ZNF254: variants seen among roughly 807,000 people sequenced by gnomAD.
ZNF254 encodes zinc finger protein 254.
A neutral mutation model predicts 12.4 loss-of-function variants in ZNF254; 10 were observed. The observed-to-expected ratio is 0.80, with a 90% CI of 0.50 to 1.36. The LOEUF (loss-of-function observed/expected upper bound fraction) is 1.36, where lower values mean the gene tolerates loss of function less well. Ranked by LOEUF, ZNF254 falls within the 40% of genes most tolerant of loss-of-function variation. ZNF254 has a pLI of 0.00. For missense variants in ZNF254, 996 were observed against 763.9 expected (o/e 1.30, Z -3.58); for synonymous variants, 305 against 253.4 (o/e 1.20, Z -1.93).
chr19:24,049,201 TATA>T (rs1568426378), intron 2 of ZNF254, among the ~76,000 whole-genome samples: 42 of 67,428 alleles, frequency 6.2e-4, no homozygotes, highest in African/African-American at 1.0e-3. Context: ...TATATATATA[TATA>T]TATATATATA....
chr19:24,045,010 C>T (rs1176352241), intron 1 of ZNF254, among the ~76,000 whole-genome samples: 2 of 152,090 alleles, frequency 1.3e-5, no homozygotes, highest in Admixed American at 6.5e-5. Context: ...ACTATGATAC[C>T]GTACCTTGTT....
At chr19:24,084,429 T>A (rs1261501750), upstream of ZNF254, among the ~76,000 whole-genome samples, 5 of 151,948 alleles carry the variant, frequency 3.3e-5, no homozygotes, top group East Asian at 9.7e-4. Context: ...GAGTGACGGA[T>A]AAAAGACTAC....
chr19:24,082,507 AG>A (rs1397620631), upstream of ZNF254, among the ~76,000 whole-genome samples: 1 of 346 alleles, frequency 2.9e-3, no homozygotes, highest in Non-Finnish European at 5.4e-3. Flanking sequence ...AAAATTAGCC[AG>A]GCGTGGTGGC....
intron 1 of ZNF254, among the ~76,000 whole-genome samples, chr19:24,037,307 A>T (rs1970002210): frequency 6.6e-6 from 1 of 152,248 alleles, no homozygotes; most frequent in Non-Finnish European, 1.5e-5. Context: ...GTTCAAGATT[A>T]TAGCCCTAGA....
chr19:24,095,102 A>G (rs982690356), intron 1 of ZNF254, among the ~76,000 whole-genome samples: 18 of 152,198 alleles, frequency 1.2e-4, no homozygotes, highest in Non-Finnish European at 2.5e-4. Flanking sequence ...AACATGAAAG[A>G]TGTTAAATTT....
At chr19:24,072,933 A>G (rs981229210) in intron 2 of ZNF254, among the ~76,000 whole-genome samples, 2 of 152,198 alleles carry the variant, frequency 1.3e-5, no homozygotes, top group African/African-American at 2.4e-5. Flanking sequence ...GTTGTGACAT[A>G]TACCTTAGCC....
rs200959986 is a variant in ZNF254, at chr19:24,126,556, A to C, written c.556A>C (p.Lys186Gln). 1.1e-5 allele frequency: 18 copies of C among 1,603,894 alleles called. No individual in the cohort carries two copies. Among genetic ancestry groups the C allele is most frequent in the Non-Finnish European group, 1.5e-5 (18 of 1,177,228 alleles). Residue 186 changes from lysine (K) to glutamine (Q), a missense_variant, in exon 4 of 4, where the codon AAA (lysine) becomes CAA (glutamine). Physicochemically the swap from Lys to Gln is moderately conservative, Grantham distance 53. Coordinates refer to ENST00000357002, the MANE Select transcript of ZNF254 (RefSeq NM_203282.4). ...HTEKKSFKCKKRVKLFCMLSH... is the reference protein window; with the variant it reads ...HTEKKSFKCKQRVKLFCMLSH... ...TGAAAAGAAATCTTTCAAATGTAAA[A>C]AACGTGTCAAATTATTTTGCATGCT...
chr19:24,085,833 A>G (rs2145616464), upstream of ZNF254, among the ~76,000 whole-genome samples: 1 of 152,278 alleles, frequency 6.6e-6, no homozygotes, highest in East Asian at 1.9e-4. Flanking sequence ...AGTTAGAAAC[A>G]TTTTGTCTAC....
chr19:24,084,108 A>G (rs1971942663), upstream of ZNF254, among the ~76,000 whole-genome samples: 1 of 149,710 alleles, frequency 6.7e-6, no homozygotes. Flanking sequence ...TCAACTAATG[A>G]GTGGAAAAGG....
rs780867139 is a variant in ZNF254 at position 24,127,475 on chromosome 19, G to T, written c.1475G>T (p.Cys492Phe). 5.0e-6 allele frequency: 8 copies of T among 1,613,450 alleles called. No homozygotes were observed. In the South Asian group the frequency reaches 6.6e-5, roughly 13 times the overall value. Residue 492 changes from cysteine to phenylalanine, a missense_variant, in exon 4 of 4, where the codon TGT (cysteine) becomes TTT (phenylalanine). Coordinates refer to ENST00000357002, the MANE Select transcript of ZNF254 (RefSeq NM_203282.4). ...RMHTGEKPYK[C>F]EECGKSFSQS... ...CACACTGGAGAGAAACCCTACAAAT[G>T]TGAAGAATGTGGCAAATCTTTTAGC...
chr19:24,129,100 A>G lies in ZNF254; in HGVS notation c.*1120A>G, dbSNP rs760914748. 30 of 152,114 alleles carry G rather than the reference A, an allele frequency of 2.0e-4. No homozygotes were observed. Among genetic ancestry groups the G allele is most frequent in the Non-Finnish European group, 3.5e-4 (24 of 67,886 alleles). The allele number at this position is 152,114 out of a possible 1,614,324, so 9.4% of individuals were successfully genotyped here. On this transcript the variant is annotated 3_prime_UTR_variant, in exon 4 of 4. Transcript: ENST00000357002. ...TTAAAATGTAAGATGCGTGAGGAAA[A>G]TTTAGGTAGAGAGGCTCTTTGTGGT... is the stretch of plus-strand genomic sequence containing the variant.
chr19:24,104,878 C>T (rs1973241849), intron 1 of ZNF254: 1 of 152,122 alleles, frequency 6.6e-6, no homozygotes, highest in Admixed American at 6.6e-5. Flanking sequence ...AACAGGATGG[C>T]ATTTATTACC....
At chr19:24,034,357 C>G (rs1338397447) in intron 1 of ZNF254, among the ~76,000 whole-genome samples, 1 of 152,088 alleles carries the variant, frequency 6.6e-6, no homozygotes, top group Non-Finnish European at 1.5e-5. Context: ...AAAATCTATA[C>G]ATCCACAGGC....
intron 3 of ZNF254, among the ~76,000 whole-genome samples, chr19:24,122,739 A>G (rs1311097333): frequency 6.6e-6 from 1 of 152,190 alleles, no homozygotes; most frequent in Non-Finnish European, 1.5e-5. Context: ...TTCAAATTAT[A>G]TCTACTGAAT....
intron 1 of ZNF254, among the ~76,000 whole-genome samples, chr19:24,101,248 G>T (rs764540294): frequency 1.6e-4 from 25 of 152,200 alleles, no homozygotes; most frequent in Admixed American, 7.9e-4. Context: ...AGCCAGAAAT[G>T]CAGAATGATG....
chr19:24,107,437 G>A (rs1973415087), intron 3 of ZNF254: 1 of 383,546 alleles, frequency 2.6e-6, no homozygotes, highest in African/African-American at 2.1e-5. Context: ...TTCTAAAATT[G>A]AGTATTTCAT....
At chr19:24,082,128 GAAAA>G (rs552910479) in intron 2 of ZNF254, among the ~76,000 whole-genome samples, 4 of 112,288 alleles carry the variant, frequency 3.6e-5, no homozygotes, top group African/African-American at 1.4e-4. Context: ...TGCCTCAAAA[GAAAA>G]AAAAAAAAAG....
rs919281854 is a variant in ZNF254, at chr19:24,099,263, C to T, written c.31-6677C>T. The stretch of plus-strand genomic sequence containing the variant: ...CTCATGATCCACCAGCCTCAGCCTC[C>T]CAAAGTGCTAGGATAACAGGCATGA... On this transcript the variant is annotated intron_variant, in intron 1 of 3. Transcript: ENST00000357002. Among the ~76,000 whole-genome samples the T allele has an allele frequency of 2.4e-4, 36 of 151,606 alleles. 1 individual carries two copies. The highest frequency in any genetic ancestry group is 8.5e-4 in the African/African-American group (35 of 41,206).
chr19:24,069,321 T>TA (rs1971393865), intron 2 of ZNF254, among the ~76,000 whole-genome samples: 1 of 144,286 alleles, frequency 6.9e-6, no homozygotes, highest in South Asian at 2.3e-4. Context: ...TTGTGTTTCT[T>TA]AAAAGAACAT....
Sources: gnomAD v4.1 joint callset for allele counts (sites outside exome capture counted in the v4.1 genomes callset) on GRCh38, gnomAD v4.1.1 for gene constraint, MANE v1.5 for transcripts, NCBI Gene and HGNC (gene_info 2026-07-23, HGNC 2026-07-21) for gene names.